Variants in CGNL1 observed in about 807,000 individuals in gnomAD.
The protein encoded by CGNL1 is cingulin-like protein 1.
CGNL1 carries 132 observed loss-of-function variants against 141.2 expected under a neutral mutation model. The ratio of observed to expected loss-of-function variants is 0.93; its 90% confidence interval spans 0.81 to 1.08. CGNL1 has a LOEUF of 1.08. CGNL1 is among the 50% of genes least tolerant of loss of function. The pLI, the probability that CGNL1 is intolerant of heterozygous loss-of-function variation, is 0.00. For missense variants in CGNL1, 1,870 were observed against 1,588.6 expected, an observed-to-expected ratio of 1.18 and a Z score of -3.01; for synonymous variants, 690 against 622.1, an observed-to-expected ratio of 1.11 and a Z score of -1.63.
chr15:57,540,017 G>C (rs2140225463), intron 14 of CGNL1, among the ~76,000 whole-genome samples: 1 of 152,302 alleles, frequency 6.6e-6, no homozygotes, highest in African/African-American at 2.4e-5. Context: ...AGCTGTCACA[G>C]TATGATTTTG....
chr15:57,524,843 C>T (rs1282963696), intron 12 of CGNL1, 92 bp downstream of exon 12: 5 of 1,281,752 alleles, frequency 3.9e-6, no homozygotes, highest in African/African-American at 3.0e-5. Context: ...GGGGTAGATT[C>T]GTGAGACAGC....
chr15:57,386,995 C>G (rs1405544874), intron 1 of CGNL1, among the ~76,000 whole-genome samples: 1 of 152,138 alleles, frequency 6.6e-6, no homozygotes, highest in African/African-American at 2.4e-5. Context: ...AGTACACTCA[C>G]AATGTTGTGC....
intron 16 of CGNL1, 59 bp from the exon 17 acceptor site, chr15:57,545,533 C>A: frequency 6.7e-7 from 1 of 1,498,502 alleles, no homozygotes; most frequent in Non-Finnish European, 9.1e-7. Context: ...ACAGCCTAGG[C>A]TGGGCCCCCT....
Position 57,517,104 on chromosome 15 carries a change from C to T in CGNL1, c.2610+118C>T, listed in dbSNP as rs376550715. 116 of 971,250 alleles carry T rather than the reference C, an allele frequency of 1.2e-4. 1 individual carries two copies. In the African/African-American group the frequency reaches 1.7e-3, roughly 14 times the overall value. The allele number at this position is 971,250 out of a possible 1,614,324, so 60.2% of individuals were successfully genotyped here. Reference sequence around the variant, plus strand: ...CATGATGTAGTAGGAAAGGTCAAGGCAATAGTGAATACATCCTCTCTGCAA... The same window carrying T: ...CATGATGTAGTAGGAAAGGTCAAGGTAATAGTGAATACATCCTCTCTGCAA... On this transcript the variant is annotated intron_variant, in intron 9 of 18. Coordinates refer to ENST00000281282, the MANE Select transcript of CGNL1 (RefSeq NM_032866.5).
At chr15:57,535,266 C>T (rs2032199838) in intron 14 of CGNL1, among the ~76,000 whole-genome samples, 1 of 152,198 alleles carries the variant, frequency 6.6e-6, no homozygotes, top group African/African-American at 2.4e-5. Context: ...AGTAAAGCTC[C>T]AAGAGGACCA....
At chr15:57,451,633 C>T in intron 5 of CGNL1, 32 bp downstream of exon 5, 2 of 1,485,474 alleles carry the variant, frequency 1.3e-6, no homozygotes, top group Non-Finnish European at 9.3e-7. Flanking sequence ...TTATTTTTTC[C>T]ATTTCTGTCT....
chr15:57,545,748 C>T (rs1306518285), intron 17 of CGNL1, 48 bp downstream of exon 17: 1 of 1,502,584 alleles, frequency 6.7e-7, no homozygotes, highest in East Asian at 2.3e-5. Context: ...TTGCGTGTCT[C>T]AGGCTGAGGG....
chr15:57,523,506 T>C lies in CGNL1; in HGVS notation c.2733T>C (p.Thr911=). Reference sequence around the variant, plus strand: ...ATTTGCAGGGAAATCTGAGTCAGACTACCCAGGAGCAGAAGCAGTTGTCTG... The same window carrying C: ...ATTTGCAGGGAAATCTGAGTCAGACCACCCAGGAGCAGAAGCAGTTGTCTG... ...LEAAQGNLSQ[T]TQEQKQLSEK... The change falls in exon 11 of 19, where the codon ACT becomes ACC. Residue 911 remains threonine (T), a synonymous_variant. Transcript: ENST00000281282. 1 of 1,614,196 alleles carries C rather than the reference T, an allele frequency of 6.2e-7. No homozygotes were observed. Among genetic ancestry groups the C allele is most frequent in the Non-Finnish European group, 8.5e-7 (1 of 1,180,026 alleles).
At chr15:57,497,911 C>T (rs759343598) in intron 8 of CGNL1, among the ~76,000 whole-genome samples, 9 of 152,216 alleles carry the variant, frequency 5.9e-5, no homozygotes, top group African/African-American at 9.6e-5. Flanking sequence ...CTCAGTGTCA[C>T]GCTGAGAAGA....
At chr15:57,474,099 C>T (rs968373254) in intron 8 of CGNL1, among the ~76,000 whole-genome samples, 8 of 151,610 alleles carry the variant, frequency 5.3e-5, no homozygotes, top group African/African-American at 7.3e-5. Context: ...TTGGTAGAGA[C>T]GGGGTTTCAC....
intron 8 of CGNL1, among the ~76,000 whole-genome samples, chr15:57,481,474 A>C (rs1016858085): frequency 3.3e-5 from 5 of 152,142 alleles, no homozygotes; most frequent in Non-Finnish European, 5.9e-5. Flanking sequence ...TTCTCTCAGC[A>C]TTGTTCTCTG....
intron 14 of CGNL1, among the ~76,000 whole-genome samples, chr15:57,532,665 G>T (rs1249408669): frequency 2.0e-5 from 3 of 152,232 alleles, no homozygotes; most frequent in Non-Finnish European, 4.4e-5. Flanking sequence ...TATTGAACGT[G>T]AATGCTTCAT....
chr15:57,481,813 T>A (rs1179697435), intron 8 of CGNL1, among the ~76,000 whole-genome samples: 1 of 152,214 alleles, frequency 6.6e-6, no homozygotes, highest in African/African-American at 2.4e-5. Context: ...GGTAATTACA[T>A]GTTTAGCTTT....
At chr15:57,426,214 G>A (rs756792017) in intron 1 of CGNL1, among the ~76,000 whole-genome samples, 1 of 151,894 alleles carries the variant, frequency 6.6e-6, no homozygotes, top group South Asian at 2.1e-4. Context: ...GCATGATCTC[G>A]GCTCACTGCA....
Position 57,547,339 on chromosome 15 carries a change from C to G in CGNL1, c.3774-16C>G, listed in dbSNP as rs1429227207. 6.2e-7 allele frequency: 1 copy of G among 1,613,634 alleles called. No individual in the cohort carries two copies. The highest frequency in any genetic ancestry group is 1.1e-5 in the South Asian group (1 of 90,956). On this transcript the variant is annotated splice_polypyrimidine_tract_variant and intron_variant, in intron 18 of 18. Coordinates refer to ENST00000281282, the MANE Select transcript of CGNL1 (RefSeq NM_032866.5). ...CGGCCCAGGGCCAGGAAACATGCCC[C>G]TTGTCATTTCAGCAGACTGAAGAAG...
At chr15:57,539,870 A>G (rs34947057) in intron 14 of CGNL1, among the ~76,000 whole-genome samples, 15,666 of 152,244 alleles carry the variant, frequency 0.1, 1,441 homozygotes, top group East Asian at 0.45. Context: ...TTGGCCCCAC[A>G]TGCATCACCA....
At chr15:57,514,815 C>A (rs568815548) in intron 8 of CGNL1, among the ~76,000 whole-genome samples, 11 of 152,268 alleles carry the variant, frequency 7.2e-5, no homozygotes, top group African/African-American at 1.9e-4. Flanking sequence ...ATTTCTTTTT[C>A]ATGTGGATAT....
At chr15:57,443,626 C>T (rs1012704919) in intron 4 of CGNL1, among the ~76,000 whole-genome samples, 2 of 152,200 alleles carry the variant, frequency 1.3e-5, no homozygotes, top group Non-Finnish European at 2.9e-5. Context: ...AGAACAATGC[C>T]GTACACACAC....
chr15:57,436,818 C>A (rs1353203222), intron 1 of CGNL1, among the ~76,000 whole-genome samples: 1 of 152,012 alleles, frequency 6.6e-6, no homozygotes, highest in African/African-American at 2.4e-5. Flanking sequence ...ATATATTCTA[C>A]CAGTGTAATC....
Sources: gnomAD v4.1 joint callset for allele counts (sites outside exome capture counted in the v4.1 genomes callset) on GRCh38, gnomAD v4.1.1 for gene constraint, MANE v1.5 for transcripts, NCBI Gene and HGNC (gene_info 2026-07-23, HGNC 2026-07-21) for gene names.